The following PKHD1 variants were observed in gnomAD, a reference collection of about 807,000 sequenced individuals.
PKHD1 encodes the protein PKHD1 ciliary IPT domain containing fibrocystin/polyductin.
In PKHD1, 291 loss-of-function variants were observed where a neutral mutation model predicts 412.0. That is an observed-to-expected ratio of 0.71 (90% CI 0.64 to 0.78). The LOEUF (loss-of-function observed/expected upper bound fraction) is 0.78, where lower values mean the gene tolerates loss of function less well. PKHD1 is among the 30% of genes least tolerant of loss of function. The probability of loss-of-function intolerance (pLI) is 0.00; values close to 1 mark genes in which losing one functional copy is unlikely to be tolerated. For missense variants in PKHD1, 4,825 were observed against 4,950.7 expected, an observed-to-expected ratio of 0.97 and a Z score of 0.76; for synonymous variants, 1,777 against 1,821.5, an observed-to-expected ratio of 0.98 and a Z score of 0.62.
At chr6:52,062,773 A>C in intron 13 of PKHD1, 113 bp from the exon 14 acceptor site, 3 of 1,297,420 alleles carry the variant, frequency 2.3e-6, no homozygotes, top group Non-Finnish European at 3.3e-6. Flanking sequence ...CTGTAAAGGT[A>C]AGTCAACCTA....
chr6:51,719,345 T>A (rs533384573), intron 60 of PKHD1, among the ~76,000 whole-genome samples: 1 of 152,138 alleles, frequency 6.6e-6, no homozygotes, highest in South Asian at 2.1e-4. Flanking sequence ...ATCCTTCTTA[T>A]GGTCAAAAAG....
intron 5 of PKHD1, among the ~76,000 whole-genome samples, 193 bp downstream of exon 5, chr6:52,079,707 G>A (rs1811777742): frequency 1.3e-5 from 2 of 152,146 alleles, no homozygotes; most frequent in African/African-American, 4.8e-5. Context: ...AAAGCATTTA[G>A]CTAAAGGCTG....
chr6:51,726,224 T>C (rs1421231996), intron 60 of PKHD1, among the ~76,000 whole-genome samples: 1 of 152,228 alleles, frequency 6.6e-6, no homozygotes, highest in Non-Finnish European at 1.5e-5. Context: ...CAGGAGTTTC[T>C]AATGCTTAAA....
At chr6:52,076,356 A>G in intron 5 of PKHD1, 23 bp from the exon 6 acceptor site, 1 of 1,582,992 alleles carries the variant, frequency 6.3e-7, no homozygotes, top group Non-Finnish European at 8.7e-7. Context: ...TAGTACCACA[A>G]GTGAGCATGT....
chr6:51,735,769 T>A lies in PKHD1; in HGVS notation c.10156+8616A>T, dbSNP rs561811031. Reference sequence around the variant, plus strand: ...AGTGAGACCTCATCTCTACGAAAAATTTTTTTTAAAAAAAACTAGCCAGGT... The same window carrying A: ...AGTGAGACCTCATCTCTACGAAAAAATTTTTTTAAAAAAAACTAGCCAGGT... On this transcript the variant is annotated intron_variant, in intron 60 of 66. Coordinates refer to ENST00000371117, the MANE Select transcript of PKHD1 (RefSeq NM_138694.4). 5.3e-5 allele frequency among the ~76,000 whole-genome samples: 8 copies of A among 151,644 alleles called. 1 individual carries two copies. The South Asian group carries it at 6.3e-4, about 12-fold the overall frequency.
At chr6:51,648,613 A>G (rs1770446447) in intron 62 of PKHD1, among the ~76,000 whole-genome samples, 1 of 152,254 alleles carries the variant, frequency 6.6e-6, no homozygotes, top group Admixed American at 6.5e-5. Flanking sequence ...AAGATAAAAT[A>G]GAATCAGGAC....
chr6:51,938,710 T>C (rs1385032749), intron 36 of PKHD1, among the ~76,000 whole-genome samples: 1 of 151,594 alleles, frequency 6.6e-6, no homozygotes, highest in African/African-American at 2.4e-5. Context: ...ATGACTCAGA[T>C]CAGGGAACCT....
intron 63 of PKHD1, among the ~76,000 whole-genome samples, chr6:51,645,144 A>G (rs761988662): frequency 2.0e-5 from 3 of 152,202 alleles, no homozygotes; most frequent in Non-Finnish European, 2.9e-5. Flanking sequence ...AATCTCAAAG[A>G]ATGTTTCATT....
chr6:51,633,803 C>T (rs1768215670), intron 64 of PKHD1, among the ~76,000 whole-genome samples: 1 of 152,128 alleles, frequency 6.6e-6, no homozygotes, highest in Non-Finnish European at 1.5e-5. Context: ...CTTATCCTGA[C>T]TGTGGGGATG....
intron 48 of PKHD1, among the ~76,000 whole-genome samples, chr6:51,863,901 G>A (rs1296026196): frequency 2.0e-5 from 3 of 152,088 alleles, no homozygotes; most frequent in African/African-American, 7.2e-5. Context: ...GTTGCTATGT[G>A]TTAAACAGAG....
At chr6:51,650,064 T>C (rs186811008) in intron 61 of PKHD1, among the ~76,000 whole-genome samples, 1 of 152,290 alleles carries the variant, frequency 6.6e-6, no homozygotes, top group Non-Finnish European at 1.5e-5. Flanking sequence ...CCAAAGGTCC[T>C]ACAAATAGTA....
intron 50 of PKHD1, among the ~76,000 whole-genome samples, chr6:51,845,715 T>C (rs1324884442): frequency 6.6e-6 from 1 of 152,230 alleles, no homozygotes. Context: ...CTTACACAGA[T>C]GTGCATTTAT....
intron 37 of PKHD1, among the ~76,000 whole-genome samples, chr6:51,933,096 C>T (rs923034763): frequency 1.3e-5 from 2 of 152,144 alleles, no homozygotes; most frequent in African/African-American, 2.4e-5. Flanking sequence ...CTGCCTTTGG[C>T]TCATGCTATG....
At chr6:51,816,498 G>C (rs988850649) in intron 52 of PKHD1, among the ~76,000 whole-genome samples, 1 of 152,230 alleles carries the variant, frequency 6.6e-6, no homozygotes. Context: ...AGCTGGATGG[G>C]AGAAGACACC....
chr6:51,772,520 TCTC>T (rs1790319116), intron 55 of PKHD1, among the ~76,000 whole-genome samples, 179 bp downstream of exon 55: 1 of 151,972 alleles, frequency 6.6e-6, no homozygotes, highest in Non-Finnish European at 1.5e-5. Context: ...CATGTTTTGT[TCTC>T]CTTCTGTTAT....
intron 43 of PKHD1, among the ~76,000 whole-genome samples, chr6:51,898,080 C>T (rs1296592179): frequency 6.6e-6 from 1 of 150,580 alleles, no homozygotes; most frequent in African/African-American, 2.4e-5. Context: ...CTTTAACACC[C>T]CACTGTCAAC....
In PKHD1 at chr6:51,807,485, A is replaced by ATATGTGTGTGTG. The variant is rs765667001; in HGVS notation, c.8303-16113_8303-16112insCACACACACATA. On this transcript the variant is annotated intron_variant, in intron 52 of 66. Transcript: ENST00000371117. ...TATATATATATATATATATATGTATATGTGTGTGTGTGTGTGTGTGTGTGT... is the reference window on the plus strand; with the variant it reads ...TATATATATATATATATATATGTATATATGTGTGTGTGTGTGTGTGTGTGTGTGTGTGTGTGT... Among the ~76,000 whole-genome samples, 44 of 111,766 alleles carry ATATGTGTGTGTG rather than the reference A, an allele frequency of 3.9e-4. 1 individual carries two copies. The highest frequency in any genetic ancestry group is 1.7e-3 in the African/African-American group (43 of 25,798). 73.3% of individuals were successfully genotyped at this position (111,766 alleles called of 152,430 possible). A position where few individuals can be genotyped will look rare whatever the true frequency, so the allele number is the denominator to read the frequency against.
intron 4 of PKHD1, 72 bp downstream of exon 4, chr6:52,082,320 G>A (rs928810337): frequency 2.0e-6 from 3 of 1,493,018 alleles, no homozygotes; most frequent in African/African-American, 2.8e-5. Flanking sequence ...GCTCTAATAT[G>A]TCACCAAAAG....
In PKHD1 at chr6:51,659,740, G is replaced by A. The variant is rs771956245; in HGVS notation, c.10386C>T (p.Ile3462=). The A allele has an allele frequency of 6.2e-7, 1 of 1,613,842 alleles. No homozygotes were observed. Residue 3462 remains isoleucine (I), a synonymous_variant, in exon 61 of 67, where the codon ATC becomes ATT. Transcript: ENST00000371117. ...TSGSVSTFYS[I]LPIRQITKVC... The stretch of plus-strand genomic sequence containing the variant: ...CTTTGGTGATTTGCCTGATGGGTAA[G>A]ATAGAATAGAAAGTAGACACTGACC...
Sources: gnomAD v4.1 joint callset for allele counts (sites outside exome capture counted in the v4.1 genomes callset) on GRCh38, gnomAD v4.1.1 for gene constraint, MANE v1.5 for transcripts, NCBI Gene and HGNC (gene_info 2026-07-23, HGNC 2026-07-21) for gene names.